The following EPHA6 variants were observed in gnomAD, a reference collection of about 807,000 sequenced individuals.
EPHA6 encodes EPH receptor A6.
EPHA6 carries 50 observed loss-of-function variants against 112.0 expected under a neutral mutation model. That is an observed-to-expected ratio of 0.45 (90% CI 0.36 to 0.56). The LOEUF (loss-of-function observed/expected upper bound fraction) is 0.56. Ranked by LOEUF, EPHA6 falls within the 20% of genes least tolerant of loss-of-function variation. The probability of loss-of-function intolerance (pLI) is 0.00; values close to 1 mark genes in which losing one functional copy is unlikely to be tolerated. For synonymous variants in EPHA6, 529 were observed against 490.7 expected, an observed-to-expected ratio of 1.08 and a Z score of -1.03; for missense variants, 1,280 against 1,417.4, an observed-to-expected ratio of 0.90 and a Z score of 1.56.
Position 97,749,258 on chromosome 3 carries a change from T to C in EPHA6, c.*557T>C, listed in dbSNP as rs2035835715. The C allele has an allele frequency of 4.6e-6, 1 of 216,538 alleles. No individual in the cohort carries two copies. Among genetic ancestry groups the C allele is most frequent in the Non-Finnish European group, 9.3e-6 (1 of 107,536 alleles). The allele number at this position is 216,538 out of a possible 1,614,324, so 13.4% of individuals were successfully genotyped here. On this transcript the variant is annotated 3_prime_UTR_variant, in exon 18 of 18. Coordinates refer to ENST00000389672, the MANE Select transcript of EPHA6 (RefSeq NM_001080448.3). Reference sequence around the variant, plus strand: ...TGCAGAAATGACCAGTGATATCATGTAATGAATTTTTGTGAGGTATGACTA... The same window carrying C: ...TGCAGAAATGACCAGTGATATCATGCAATGAATTTTTGTGAGGTATGACTA...
chr3:97,005,314 C>G (rs1302345634), intron 3 of EPHA6, among the ~76,000 whole-genome samples: 3 of 152,030 alleles, frequency 2.0e-5, no homozygotes, highest in Admixed American at 6.6e-5. Flanking sequence ...TGTAGTTCTC[C>G]TTGAAGAGGT....
intron 14 of EPHA6, among the ~76,000 whole-genome samples, chr3:97,661,098 T>C (rs1329230624): frequency 6.6e-6 from 1 of 152,162 alleles, no homozygotes; most frequent in Non-Finnish European, 1.5e-5. Context: ...TCCCTGCTCT[T>C]TTTGTAAATC....
At position 97,448,619 on chromosome 3, in the gene EPHA6, A is replaced by G. The variant is rs781513605; in HGVS notation, c.1783A>G (p.Ile595Val). The change falls in exon 7 of 18, where the codon ATC becomes GTC. Residue 595 changes from isoleucine (I) to valine (V), a missense_variant. Physicochemically the swap from Ile to Val is conservative, Grantham distance 29. Coordinates refer to ENST00000389672, the MANE Select transcript of EPHA6 (RefSeq NM_001080448.3). ...SSTRSKAPSV[I>V]ITGLKPATKY... is the part of the protein sequence containing the mutation. ...CACAAGGTCCAAAGCCCCCAGTGTC[A>G]TCATCACAGGTCTTAAGCCAGCCAC... The G allele has an allele frequency of 5.0e-6, 8 of 1,613,456 alleles. No individual in the cohort carries two copies. The highest frequency in any genetic ancestry group is 6.8e-6 in the Non-Finnish European group (8 of 1,179,602).
chr3:97,190,062 A>T (rs1481316545), intron 3 of EPHA6, among the ~76,000 whole-genome samples: 2 of 152,070 alleles, frequency 1.3e-5, no homozygotes, highest in Admixed American at 1.3e-4. Context: ...GGATACTTAT[A>T]GATAGTGGAT....
At chr3:97,242,751 T>C (rs2078883781) in intron 4 of EPHA6, among the ~76,000 whole-genome samples, 1 of 151,968 alleles carries the variant, frequency 6.6e-6, no homozygotes, top group Non-Finnish European at 1.5e-5. Flanking sequence ...AGGGAGACAT[T>C]GCTTTCCACG....
At chr3:97,681,446 G>T (rs943522423) in intron 14 of EPHA6, among the ~76,000 whole-genome samples, 1 of 151,876 alleles carries the variant, frequency 6.6e-6, no homozygotes, top group Non-Finnish European at 1.5e-5. Flanking sequence ...GAGAAAAATC[G>T]AAAGGAAATT....
At chr3:97,137,961 A>G (rs2075805589) in intron 3 of EPHA6, among the ~76,000 whole-genome samples, 1 of 152,006 alleles carries the variant, frequency 6.6e-6, no homozygotes, top group Admixed American at 6.6e-5. Flanking sequence ...AAAGGAACCA[A>G]AATATCACAT....
chr3:97,103,203 G>C (rs2047456424), intron 3 of EPHA6, among the ~76,000 whole-genome samples: 1 of 151,950 alleles, frequency 6.6e-6, no homozygotes, highest in African/African-American at 2.4e-5. Flanking sequence ...TTAAATCTTT[G>C]CCCATTCCTA....
intron 7 of EPHA6, among the ~76,000 whole-genome samples, chr3:97,459,331 CT>C: frequency 6.6e-6 from 1 of 152,304 alleles, no homozygotes; most frequent in Middle Eastern, 3.4e-3. Flanking sequence ...ACTAGACCCA[CT>C]AAATCAGAAA....
intron 2 of EPHA6, among the ~76,000 whole-genome samples, chr3:96,942,251 G>A (rs1178880595): frequency 6.6e-6 from 1 of 152,320 alleles, no homozygotes; most frequent in African/African-American, 2.4e-5. Context: ...CTTTAGCTGT[G>A]GTGGGCTCCA....
intron 14 of EPHA6, among the ~76,000 whole-genome samples, chr3:97,694,105 C>A (rs1364329076): frequency 6.6e-6 from 1 of 152,174 alleles, no homozygotes; most frequent in African/African-American, 2.4e-5. Context: ...ATAGCAAACA[C>A]TTGAACAGTC....
At chr3:97,660,528 C>A (rs1002904166) in intron 14 of EPHA6, among the ~76,000 whole-genome samples, 31 of 152,030 alleles carry the variant, frequency 2.0e-4, no homozygotes, top group African/African-American at 7.0e-4. Flanking sequence ...AGGCGGGGCA[C>A]AATTTACAAG....
chr3:97,734,996 T>C (rs2035193264), intron 15 of EPHA6, among the ~76,000 whole-genome samples: 1 of 152,024 alleles, frequency 6.6e-6, no homozygotes, highest in African/African-American at 2.4e-5. Context: ...CCAAGAAAAA[T>C]AGTTGTTATC....
intron 5 of EPHA6, among the ~76,000 whole-genome samples, chr3:97,338,032 G>A (rs185647341): frequency 9.9e-5 from 15 of 151,964 alleles, no homozygotes; most frequent in Non-Finnish European, 1.2e-4. Flanking sequence ...TTTTGATATC[G>A]TTGGAGAGAC....
At chr3:97,030,084 A>G (rs979638743) in intron 3 of EPHA6, among the ~76,000 whole-genome samples, 9 of 152,262 alleles carry the variant, frequency 5.9e-5, no homozygotes, top group African/African-American at 9.6e-5. Flanking sequence ...GTAGTTTTGA[A>G]TCTTAGTCCA....
rs758317055 is a variant in EPHA6, at chr3:97,750,406, G to A, written c.*1705G>A. Among the ~76,000 whole-genome samples, 64 of 151,936 alleles carry A rather than the reference G, an allele frequency of 4.2e-4. No homozygotes were observed. Among genetic ancestry groups the A allele is most frequent in the Admixed American group, 1.8e-3 (27 of 15,244 alleles). ...CGTTTTGCTCTTGTTGCCCAGGCTG[G>A]AGTGCAATGGTGAGATCTTGGCTCA... On this transcript the variant is annotated 3_prime_UTR_variant, in exon 18 of 18. Coordinates refer to ENST00000389672, the MANE Select transcript of EPHA6 (RefSeq NM_001080448.3).
At chr3:97,722,844 A>C (rs1282501939) in intron 15 of EPHA6, among the ~76,000 whole-genome samples, 3 of 152,136 alleles carry the variant, frequency 2.0e-5, no homozygotes, top group Admixed American at 1.3e-4. Context: ...AGGAGGATAC[A>C]AATAAATATA....
intron 3 of EPHA6, among the ~76,000 whole-genome samples, chr3:97,042,420 C>T (rs1036645620): frequency 2.0e-5 from 3 of 151,986 alleles, no homozygotes; most frequent in African/African-American, 7.3e-5. Flanking sequence ...AACTGTTAGC[C>T]AATTAAATTT....
chr3:97,281,493 C>A (rs970094571), intron 5 of EPHA6, among the ~76,000 whole-genome samples: 3 of 152,056 alleles, frequency 2.0e-5, no homozygotes, highest in Non-Finnish European at 2.9e-5. Flanking sequence ...GTCTCCTAAT[C>A]AAGTGTGCCT....
Sources: gnomAD v4.1 joint callset for allele counts (sites outside exome capture counted in the v4.1 genomes callset) on GRCh38, gnomAD v4.1.1 for gene constraint, MANE v1.5 for transcripts, NCBI Gene and HGNC (gene_info 2026-07-23, HGNC 2026-07-21) for gene names.